KNDC1: variants seen among roughly 807,000 people sequenced by gnomAD.
KNDC1 encodes the protein kinase non-catalytic C-lobe domain-containing protein 1.
A neutral mutation model predicts 172.8 loss-of-function variants in KNDC1; 106 were observed. The ratio of observed to expected loss-of-function variants is 0.61; its 90% CI spans 0.52 to 0.72. KNDC1 has a LOEUF of 0.72. KNDC1 is among the 30% of genes least tolerant of loss of function. The pLI, the probability that KNDC1 is intolerant of heterozygous loss-of-function variation, is 0.00. For synonymous variants in KNDC1, 1,083 were observed against 1,062.2 expected, an observed-to-expected ratio of 1.02 and a Z score of -0.38; for missense variants, 2,325 against 2,394.5, an observed-to-expected ratio of 0.97 and a Z score of 0.61.
intron 17 of KNDC1, among the ~76,000 whole-genome samples, chr10:133,203,093 AC>A (rs1186568414): frequency 8.9e-6 from 1 of 111,800 alleles, no homozygotes; most frequent in Non-Finnish European, 1.8e-5. Flanking sequence ...GGAGCACTCC[AC>A]CCCCAAACGC....
intron 3 of KNDC1, 53 bp downstream of exon 3, chr10:133,168,365 C>A: frequency 6.5e-7 from 1 of 1,543,390 alleles, no homozygotes; most frequent in Non-Finnish European, 9.0e-7. Context: ...TCTATGGTGG[C>A]CTCTGCCATT....
intron 24 of KNDC1, 116 bp downstream of exon 24, chr10:133,213,038 GC>G: frequency 1.1e-6 from 1 of 926,096 alleles, no homozygotes; most frequent in Non-Finnish European, 1.6e-6. Flanking sequence ...CAGAGAAGGG[GC>G]CAGCTGCCAG....
At chr10:133,183,175 C>T (rs1051272751) in intron 3 of KNDC1, among the ~76,000 whole-genome samples, 169 bp from the exon 4 acceptor site, 5 of 151,398 alleles carry the variant, frequency 3.3e-5, no homozygotes, top group Admixed American at 2.0e-4. Flanking sequence ...GTGCCAGCGG[C>T]GTGGGCGCGG....
intron 9 of KNDC1, among the ~76,000 whole-genome samples, chr10:133,192,258 A>G (rs1384916639): frequency 1.3e-5 from 2 of 152,230 alleles, no homozygotes; most frequent in African/African-American, 2.4e-5. Flanking sequence ...AAACTATACT[A>G]CAAGGCCACA....
chr10:133,200,537 C>A (rs1854333676), intron 16 of KNDC1, 77 bp downstream of exon 16: 1 of 1,137,596 alleles, frequency 8.8e-7, no homozygotes, highest in Non-Finnish European at 1.2e-6. Context: ...GGGGGGCGCC[C>A]CAGGGTCCCA....
intron 29 of KNDC1, among the ~76,000 whole-genome samples, chr10:133,220,959 TCA>T (rs1226451893): frequency 1.3e-5 from 2 of 152,070 alleles, no homozygotes; most frequent in African/African-American, 2.4e-5. Context: ...CACTTGGCAC[TCA>T]CAGCCTCAGA....
chr10:133,160,798 T>C (rs139690671), intron 1 of KNDC1, among the ~76,000 whole-genome samples: 11 of 152,052 alleles, frequency 7.2e-5, no homozygotes, highest in Admixed American at 4.6e-4. Context: ...CCTGCAGAAG[T>C]TGGTGCGCGG....
At chr10:133,198,182 C>G (rs1320123491) in intron 12 of KNDC1, among the ~76,000 whole-genome samples, 155 bp from the exon 13 acceptor site, 1 of 152,228 alleles carries the variant, frequency 6.6e-6, no homozygotes, top group East Asian at 1.9e-4. Flanking sequence ...CCCTCCCATT[C>G]CAGGGCCCAG....
intron 16 of KNDC1, among the ~76,000 whole-genome samples, chr10:133,200,797 A>G (rs1208917293): frequency 6.6e-6 from 1 of 152,166 alleles, no homozygotes; most frequent in Non-Finnish European, 1.5e-5. Flanking sequence ...GCCGGGAGCC[A>G]GGTGGGATCC....
In KNDC1 at chr10:133,163,785, G is replaced by C. The variant is rs1853056016; in HGVS notation, c.102+3216G>C. On this transcript the variant is annotated intron_variant, in intron 1 of 29. Coordinates refer to ENST00000304613, the MANE Select transcript of KNDC1 (RefSeq NM_152643.8). This position sits in a 1 kb window ranked among gnomAD's most constrained non-coding sequence, Gnocchi z 4.4. Reference sequence around the variant, plus strand: ...ACCTGCCATGAGATAAGGGTCCTCGGTGGGAAGCGTGCCCTGCCCTCTGAG... The same window carrying C: ...ACCTGCCATGAGATAAGGGTCCTCGCTGGGAAGCGTGCCCTGCCCTCTGAG... Among the ~76,000 whole-genome samples the C allele has an allele frequency of 6.6e-6, 1 of 152,204 alleles. No homozygotes were observed. The highest frequency in any genetic ancestry group is 2.4e-5 in the African/African-American group (1 of 41,448).
intron 5 of KNDC1, among the ~76,000 whole-genome samples, chr10:133,185,055 G>A (rs1034175706): frequency 2.0e-5 from 3 of 152,402 alleles, no homozygotes; most frequent in East Asian, 1.9e-4. Context: ...GCCTCAGGAC[G>A]GTAGCCAGGG....
intron 9 of KNDC1, among the ~76,000 whole-genome samples, chr10:133,190,814 CAG>C (rs1422794979): frequency 6.6e-6 from 1 of 152,212 alleles, no homozygotes; most frequent in Non-Finnish European, 1.5e-5. Context: ...AGGCCGACCT[CAG>C]GGGGTTGGTG....
chr10:133,211,892 A>G, intron 23 of KNDC1, 34 bp downstream of exon 23: 2 of 1,577,956 alleles, frequency 1.3e-6, no homozygotes, highest in Non-Finnish European at 1.7e-6. Context: ...TCCTCCCTGG[A>G]CAGGCGGATG....
At chr10:133,166,458 CAT>C (rs1052013276) in intron 1 of KNDC1, among the ~76,000 whole-genome samples, 2 of 112,364 alleles carry the variant, frequency 1.8e-5, no homozygotes, top group East Asian at 1.9e-4. Flanking sequence ...TGCGGGTGTG[CAT>C]GTCTGTGCGT....
intron 26 of KNDC1, among the ~76,000 whole-genome samples, chr10:133,217,955 G>A (rs1032550174): frequency 1.3e-5 from 2 of 152,020 alleles, no homozygotes; most frequent in Non-Finnish European, 2.9e-5. Context: ...AGCACTTTGA[G>A]AGGCTGAGGC....
intron 21 of KNDC1, 104 bp downstream of exon 21, chr10:133,210,828 C>A (rs555348114): frequency 3.1e-6 from 3 of 965,314 alleles, no homozygotes; most frequent in Admixed American, 1.7e-5. Flanking sequence ...TGGTCCCTGG[C>A]GACCCAAGGG....
chr10:133,224,914 T>A lies in KNDC1; in HGVS notation c.*24T>A. The A allele has an allele frequency of 1.3e-6, 2 of 1,581,704 alleles. No individual in the cohort carries two copies. The highest frequency in any genetic ancestry group is 1.7e-6 in the Non-Finnish European group (2 of 1,152,758). Reference sequence around the variant, plus strand: ...AGCCGAGCTCGGGCCTGGTGTGGAATTCCAGATCCGAATCCGACTGTGGGG... The same window carrying A: ...AGCCGAGCTCGGGCCTGGTGTGGAAATCCAGATCCGAATCCGACTGTGGGG... On this transcript the variant is annotated 3_prime_UTR_variant, in exon 30 of 30. Transcript: ENST00000304613. The surrounding 1 kb of genome is among the most constrained non-coding windows in gnomAD (Gnocchi z 5.4).
intron 9 of KNDC1, among the ~76,000 whole-genome samples, chr10:133,190,965 G>A (rs188946497): frequency 2.6e-5 from 4 of 152,314 alleles, no homozygotes; most frequent in Admixed American, 1.3e-4. Flanking sequence ...AACGAAAATC[G>A]CTGGGAAAGT....
chr10:133,171,223 A>G (rs2135952988), intron 3 of KNDC1, among the ~76,000 whole-genome samples: 1 of 152,286 alleles, frequency 6.6e-6, no homozygotes, highest in East Asian at 1.9e-4. Flanking sequence ...GATTTTCCTC[A>G]GGAATGTGAT....
Sources: allele counts gnomAD v4.1 joint callset (sites outside exome capture counted in the v4.1 genomes callset), GRCh38; gene constraint gnomAD v4.1.1; non-coding constraint Gnocchi (gnomAD v3.1); transcripts MANE v1.5; gene names NCBI Gene and HGNC (gene_info 2026-07-23, HGNC 2026-07-21).